The following PPP4R3B variants were observed in gnomAD, a reference collection of about 807,000 sequenced individuals.
PPP4R3B encodes the protein serine/threonine-protein phosphatase 4 regulatory subunit 3B.
PPP4R3B carries 52 observed loss-of-function variants against 95.4 expected under a neutral mutation model. That is an observed-to-expected ratio of 0.54 (90% CI 0.44 to 0.69). PPP4R3B has a LOEUF of 0.69. Among genes scored for constraint, PPP4R3B ranks in the 30% least tolerant of loss-of-function variants. The pLI, the probability that PPP4R3B is intolerant of heterozygous loss-of-function variation, is 0.00. For synonymous variants in PPP4R3B, 407 were observed against 343.9 expected (o/e 1.18, Z -2.03); for missense variants, 1,003 against 1,005.9 (o/e 1.00, Z 0.04).
chr2:55,578,480 T>C, intron 9 of PPP4R3B, 138 bp from the exon 10 acceptor site: 1 of 902,028 alleles, frequency 1.1e-6, no homozygotes, highest in Non-Finnish European at 1.5e-6. Flanking sequence ...TATTTTCATT[T>C]ATATAAATGG....
At chr2:55,586,193 T>G (rs1690119027) in intron 6 of PPP4R3B, among the ~76,000 whole-genome samples, 1 of 152,210 alleles carries the variant, frequency 6.6e-6, no homozygotes, top group African/African-American at 2.4e-5. Context: ...AAATGAATGC[T>G]TTAAAAATTT....
chr2:55,598,337 G>A, intron 4 of PPP4R3B, 79 bp downstream of exon 4: 1 of 1,368,400 alleles, frequency 7.3e-7, no homozygotes, highest in South Asian at 1.4e-5. Context: ...AAAAAATAGA[G>A]GGTATAAACA....
Position 55,578,353 on chromosome 2 carries a change from AT to A in PPP4R3B, c.1469-12del. ...GTTTTAAAAAAAAATCTGAAAAAAA[AT>A]ATGGCAAGTTAGTTTTGATAAAGCC... is the stretch of plus-strand genomic sequence containing the variant. On this transcript the variant is annotated splice_polypyrimidine_tract_variant and intron_variant, in intron 9 of 16. Coordinates refer to ENST00000616407, the MANE Select transcript of PPP4R3B (RefSeq NM_001122964.3). 1.5e-6 allele frequency: 2 copies of A among 1,371,450 alleles called. No individual in the cohort carries two copies. Among genetic ancestry groups the A allele is most frequent in the South Asian group, 4.3e-5 (2 of 46,336 alleles). 85.0% of individuals were successfully genotyped at this position (1,371,450 alleles called of 1,614,324 possible).
intron 1 of PPP4R3B, chr2:55,616,738 T>A (rs539276397): frequency 1.4e-3 from 219 of 153,322 alleles, no homozygotes; most frequent in Non-Finnish European, 2.2e-3. Context: ...TTTTTTTTTT[T>A]TAAAAACACT....
chr2:55,578,219 G>A, intron 10 of PPP4R3B, 28 bp downstream of exon 10: 1 of 1,369,702 alleles, frequency 7.3e-7, no homozygotes, highest in Non-Finnish European at 9.4e-7. Flanking sequence ...AGTAAATATA[G>A]GAGTGATACA....
chr2:55,615,857 C>CAAAAAAAAAAAAAAAAAAAAAAAAAAAA (rs58981030), intron 1 of PPP4R3B, among the ~76,000 whole-genome samples: 1 of 39,064 alleles, frequency 2.6e-5, no homozygotes, highest in Admixed American at 4.8e-4. Flanking sequence ...ACTCTGTCTC[C>CAAAAAAAAAAAAAAAAAAAAAAAAAAAA]AAAAAAAAAA....
At position 55,584,074 on chromosome 2, in the gene PPP4R3B, G is replaced by A. The variant is rs56002115; in HGVS notation, c.1233+977C>T. ...TACACAGTTAGCCAGGCGTGGTGGC[G>A]CACAGAGGTTACAGTGAGCCGAGAA... On this transcript the variant is annotated intron_variant, in intron 7 of 16. Coordinates refer to ENST00000616407, the MANE Select transcript of PPP4R3B (RefSeq NM_001122964.3). 7.2e-3 allele frequency among the ~76,000 whole-genome samples: 1,097 copies of A among 152,044 alleles called. 19 individuals are homozygous for A. The highest frequency in any genetic ancestry group is 0.025 in the African/African-American group (1,025 of 41,490).
At position 55,581,646 on chromosome 2, in the gene PPP4R3B, GGATCAGTATCACA is replaced by G. The variant is rs1689453110; in HGVS notation, c.1273_1285del (p.Cys425LeufsTer3). The G allele has an allele frequency of 6.2e-7, 1 of 1,613,420 alleles. No individual in the cohort carries two copies. The highest frequency in any genetic ancestry group is 8.5e-7 in the Non-Finnish European group (1 of 1,179,648). ...TAACTGAACAGCGCCTCCTAGCTCA[GGATCAGTATCACA>G]GATCATTTGTTCAATTACCACATTA... On this transcript the variant is annotated frameshift_variant, in exon 8 of 17. Transcript: ENST00000616407. LOFTEE classifies it high-confidence loss of function.
At chr2:55,594,622 C>G (rs1442618300) in intron 4 of PPP4R3B, among the ~76,000 whole-genome samples, 1 of 152,132 alleles carries the variant, frequency 6.6e-6, no homozygotes, top group Non-Finnish European at 1.5e-5. Context: ...CTTCTGAAGA[C>G]AAAAACAGTC....
chr2:55,597,259 G>A (rs1691921904), intron 4 of PPP4R3B, among the ~76,000 whole-genome samples: 1 of 152,134 alleles, frequency 6.6e-6, no homozygotes, highest in South Asian at 2.1e-4. Context: ...GGCCGGGGCA[G>A]GTGGATCACC....
At chr2:55,555,212 G>A (rs1325666533) in intron 16 of PPP4R3B, among the ~76,000 whole-genome samples, 5 of 148,826 alleles carry the variant, frequency 3.4e-5, no homozygotes, top group Admixed American at 6.8e-5. Flanking sequence ...CCTGGGAGGC[G>A]GAGCTTGCAG....
intron 4 of PPP4R3B, among the ~76,000 whole-genome samples, chr2:55,589,679 G>A (rs923012296): frequency 1.3e-5 from 2 of 151,924 alleles, no homozygotes; most frequent in African/African-American, 2.4e-5. Context: ...ACTTTGGAAG[G>A]CCGAGGCGGG....
chr2:55,573,657 A>C lies in PPP4R3B; in HGVS notation c.1727T>G (p.Leu576Trp), dbSNP rs745721937. Residue 576 changes from leucine (L) to tryptophan (W), a missense_variant, in exon 12 of 17, where the codon TTG becomes TGG. This residue lies in a region of PPP4R3B where 695 missense variants were observed against 686.2 expected (regional missense o/e 1.01). Transcript: ENST00000616407. The stretch of plus-strand genomic sequence containing the variant: ...AGTGTGCTTTGAATTCATCAAGACC[A>C]AGACTCTTCTTAGCAAGTCCTTGTT... ...IMNKDLLRRV[L>W]VLMNSKHTFL... 6.5e-7 allele frequency: 1 copy of C among 1,544,880 alleles called. No homozygotes were observed. The highest frequency in any genetic ancestry group is 1.2e-5 in the South Asian group (1 of 81,904).
intron 2 of PPP4R3B, 137 bp downstream of exon 2, chr2:55,615,314 C>G: frequency 1.4e-6 from 1 of 702,572 alleles, no homozygotes; most frequent in South Asian, 1.7e-5. Context: ...AACTTTTAAC[C>G]TGCAAGAGAA....
rs1688975125 is a variant in PPP4R3B, at chr2:55,578,333, A to T, written c.1478T>A (p.Leu493Ter). 5 of 1,343,780 alleles carry T rather than the reference A, an allele frequency of 3.7e-6. No homozygotes were observed. Among genetic ancestry groups the T allele is most frequent in the Non-Finnish European group, 4.9e-6 (5 of 1,028,736 alleles). 83.2% of individuals were successfully genotyped at this position (1,343,780 alleles called of 1,614,324 possible). A position where few individuals can be genotyped will look rare whatever the true frequency, so the allele number is the denominator to read the frequency against. Reference protein sequence around the residue: ...SEDKCEKDFFLKHYRYSWSFI... With the variant: ...SEDKCEKDFF ...ACTCCAACTATATCTGTAATGTTTTAAAAAAAAATCTGAAAAAAAATATGG... is the reference window on the plus strand; with the variant it reads ...ACTCCAACTATATCTGTAATGTTTTTAAAAAAAATCTGAAAAAAAATATGG... The change falls in exon 10 of 17, where the codon TTA becomes TAA. Residue 493 changes from leucine (L) to a stop codon, truncating the protein, a stop_gained. Coordinates refer to ENST00000616407, the MANE Select transcript of PPP4R3B (RefSeq NM_001122964.3). LOFTEE classifies it high-confidence loss of function.
At chr2:55,558,514 A>G (rs1169609206) in intron 16 of PPP4R3B, among the ~76,000 whole-genome samples, 2 of 152,150 alleles carry the variant, frequency 1.3e-5, no homozygotes, top group Non-Finnish European at 2.9e-5. Flanking sequence ...AGACTGAGGC[A>G]GGAGAACTGC....
At chr2:55,561,749 T>C (rs967734138) in intron 15 of PPP4R3B, among the ~76,000 whole-genome samples, 35 of 152,248 alleles carry the variant, frequency 2.3e-4, no homozygotes, top group African/African-American at 8.0e-4. Context: ...TTCTTCCATT[T>C]GGAATGGGAG....
chr2:55,591,496 C>A (rs1383030662), intron 4 of PPP4R3B: 1 of 978,814 alleles, frequency 1.0e-6, no homozygotes, highest in Non-Finnish European at 1.2e-6. Context: ...TGAGTAAGTA[C>A]ATATTTACCT....
chr2:55,554,723 T>C (rs1685624076), intron 16 of PPP4R3B, among the ~76,000 whole-genome samples: 1 of 152,272 alleles, frequency 6.6e-6, no homozygotes, highest in Admixed American at 6.5e-5. Flanking sequence ...TAGTATCCTT[T>C]GGAGTACAAA....
Sources: gnomAD v4.1 joint callset for allele counts (sites outside exome capture counted in the v4.1 genomes callset) on GRCh38, gnomAD v4.1.1 for gene constraint, gnomAD v4.1.1 regional missense constraint, MANE v1.5 for transcripts, NCBI Gene and HGNC (gene_info 2026-07-23, HGNC 2026-07-21) for gene names.